Variants in ACTG2 observed in about 807,000 individuals in gnomAD.
ACTG2 encodes the protein actin gamma 2, smooth muscle.
Under a neutral mutation model 37.6 loss-of-function variants are expected in ACTG2, and 16 were observed. The ratio of observed to expected loss-of-function variants is 0.43; its 90% CI spans 0.29 to 0.65. ACTG2 has a LOEUF of 0.65. Among genes scored for constraint, ACTG2 ranks in the 30% least tolerant of loss-of-function variants. The pLI, the probability that ACTG2 is intolerant of heterozygous loss-of-function variation, is 0.18. For synonymous variants in ACTG2, 181 were observed against 179.9 expected (o/e 1.01, Z -0.05); for missense variants, 238 against 490.9 (o/e 0.48, Z 4.87).
At chr2:73,903,579 G>A (rs1006382898) in intron 3 of ACTG2, among the ~76,000 whole-genome samples, 4 of 152,316 alleles carry the variant, frequency 2.6e-5, no homozygotes, top group African/African-American at 9.6e-5. Context: ...TAATCCCAAG[G>A]CATGGAACAT....
Position 73,901,300 on chromosome 2 carries a change from G to T in ACTG2, c.-12G>T. 2 of 1,581,444 alleles carry T rather than the reference G, an allele frequency of 1.3e-6. No individual in the cohort carries two copies. Among genetic ancestry groups the T allele is most frequent in the Non-Finnish European group, 1.7e-6 (2 of 1,159,572 alleles). ...GGTGCTCCAGTCCCCAGCTCACTCA[G>T]CCACACACACCATGTGTGAAGAGGA... On this transcript the variant is annotated 5_prime_UTR_variant, in exon 2 of 9. Transcript: ENST00000345517.
Position 73,902,018 on chromosome 2 carries a change from C to CGTGTGTGTGTGTGT in ACTG2, c.127-333_127-320dup, listed in dbSNP as rs71245662. 9.4e-4 allele frequency among the ~76,000 whole-genome samples: 138 copies of CGTGTGTGTGTGTGT among 146,444 alleles called. 1 individual carries two copies. The highest frequency in any genetic ancestry group is 3.6e-3 in the Middle Eastern group (1 of 280). ...GGACTTGAGGAGGATGCATACAAGT[C>CGTGTGTGTGTGTGT]GTGTGTGTGTGTGTGTGTGTGTCTG... is the stretch of plus-strand genomic sequence containing the variant. On this transcript the variant is annotated intron_variant, in intron 2 of 8. Transcript: ENST00000345517.
At chr2:73,910,365 C>CTTTTTTT (rs1190070765) in intron 5 of ACTG2, among the ~76,000 whole-genome samples, 1 of 80,692 alleles carries the variant, frequency 1.2e-5, no homozygotes, top group Non-Finnish European at 2.2e-5. Context: ...CTTTTTTCGA[C>CTTTTTTT]TTTTTTTTTT....
At chr2:73,908,157 A>C (rs998364223) in intron 3 of ACTG2, 1 of 408,032 alleles carries the variant, frequency 2.5e-6, no homozygotes, top group African/African-American at 2.0e-5. Flanking sequence ...TCAGGTGACG[A>C]GGGCAGTGTC....
chr2:73,901,735 A>G (rs1679889111), intron 2 of ACTG2: 1 of 393,996 alleles, frequency 2.5e-6, no homozygotes, highest in African/African-American at 2.1e-5. Flanking sequence ...CAATGACACT[A>G]CTATGTCTGG....
chr2:73,907,645 C>G (rs1371439048), intron 3 of ACTG2, among the ~76,000 whole-genome samples: 2 of 152,140 alleles, frequency 1.3e-5, no homozygotes, highest in Non-Finnish European at 2.9e-5. Context: ...CCATGCCTGG[C>G]TAATTTTTTA....
At chr2:73,912,797 A>G (rs1048112704) in intron 5 of ACTG2, among the ~76,000 whole-genome samples, 7 of 152,250 alleles carry the variant, frequency 4.6e-5, no homozygotes, top group African/African-American at 1.2e-4. Flanking sequence ...GCAATTGGCT[A>G]GAACATCCTG....
At chr2:73,900,786 A>G (rs966547248) in intron 1 of ACTG2, among the ~76,000 whole-genome samples, 1 of 151,902 alleles carries the variant, frequency 6.6e-6, no homozygotes, top group Non-Finnish European at 1.5e-5. Flanking sequence ...TCCTTTCCAC[A>G]CTCCCAGAGG....
At chr2:73,908,962 T>C in intron 4 of ACTG2, 93 bp from the exon 5 acceptor site, 1 of 1,366,052 alleles carries the variant, frequency 7.3e-7, no homozygotes, top group Non-Finnish European at 1.0e-6. Flanking sequence ...ACTGGCATAG[T>C]TCCTGCCCTT....
At chr2:73,902,568 C>T in intron 3 of ACTG2, 80 bp downstream of exon 3, 2 of 1,584,324 alleles carry the variant, frequency 1.3e-6, no homozygotes, top group Non-Finnish European at 1.7e-6. Flanking sequence ...GGCCACTGTG[C>T]TCTGTCAACT....
At chr2:73,917,120 T>G (rs1262732010) in intron 8 of ACTG2, among the ~76,000 whole-genome samples, 1 of 152,076 alleles carries the variant, frequency 6.6e-6, no homozygotes, top group Non-Finnish European at 1.5e-5. Context: ...AAGGCCACAA[T>G]GAGCTCTAAC....
intron 5 of ACTG2, among the ~76,000 whole-genome samples, chr2:73,912,871 G>T (rs1680167662): frequency 6.6e-6 from 1 of 152,136 alleles, no homozygotes. Flanking sequence ...GTGGCTGTTA[G>T]ATTAAGAAAT....
At chr2:73,913,308 GA>G (rs1369698759) in intron 5 of ACTG2, among the ~76,000 whole-genome samples, 176 bp from the exon 6 acceptor site, 3 of 152,086 alleles carry the variant, frequency 2.0e-5, no homozygotes, top group Non-Finnish European at 2.9e-5. Flanking sequence ...TCACTGGGGG[GA>G]AAAAAGTGAC....
chr2:73,905,598 C>T (rs544698916), intron 3 of ACTG2, among the ~76,000 whole-genome samples: 1 of 152,200 alleles, frequency 6.6e-6, no homozygotes, highest in African/African-American at 2.4e-5. Context: ...TTTTACCTAT[C>T]AAATTATTTC....
At chr2:73,896,719 A>T (rs1229246389) in intron 1 of ACTG2, 1 of 152,146 alleles carries the variant, frequency 6.6e-6, no homozygotes, top group Non-Finnish European at 1.5e-5. Flanking sequence ...TGCATTCATT[A>T]TGTCTTTGGT....
intron 3 of ACTG2, among the ~76,000 whole-genome samples, chr2:73,907,911 A>G (rs1007580575): frequency 6.6e-6 from 1 of 152,216 alleles, no homozygotes; most frequent in Non-Finnish European, 1.5e-5. Context: ...AGCCTGGCCA[A>G]TAATAGCCAG....
At position 73,914,540 on chromosome 2, in the gene ACTG2, CAG is replaced by C. The variant is rs543769876; in HGVS notation, c.614-137_614-136del. 5.8e-4 allele frequency: 354 copies of C among 612,106 alleles called. 3 individuals carry two copies. The African/African-American group carries it at 7.3e-3, about 13-fold the overall frequency. 37.9% of individuals were successfully genotyped at this position (612,106 alleles called of 1,614,324 possible). A position where few individuals can be genotyped will look rare whatever the true frequency, so the allele number is the denominator to read the frequency against. ...CACCACTGCACTTCAGTCTGGGTGA[CAG>C]AGTGAGACTCTGTCTCAAAAAAAAA... On this transcript the variant is annotated intron_variant, in intron 6 of 8. Transcript: ENST00000345517.
intron 1 of ACTG2, among the ~76,000 whole-genome samples, 161 bp from the exon 2 acceptor site, chr2:73,901,115 G>T (rs1679862017): frequency 6.6e-6 from 1 of 152,188 alleles, no homozygotes; most frequent in South Asian, 2.1e-4. Context: ...CAGGGCAGAG[G>T]GAGGAGGCTC....
At chr2:73,908,347 A>G (rs1208724619) in intron 3 of ACTG2, 1 of 490,868 alleles carries the variant, frequency 2.0e-6, no homozygotes, top group Non-Finnish European at 4.2e-6. Context: ...AGCAATGAAC[A>G]CTTGAGTGAT....
Sources: allele counts gnomAD v4.1 joint callset (sites outside exome capture counted in the v4.1 genomes callset), GRCh38; gene constraint gnomAD v4.1.1; transcripts MANE v1.5; gene names NCBI Gene and HGNC (gene_info 2026-07-23, HGNC 2026-07-21).